KCNJ6: variants seen among roughly 807,000 people sequenced by gnomAD.
The protein encoded by KCNJ6 is G protein-activated inward rectifier potassium channel 2.
KCNJ6 carries 9 observed loss-of-function variants against 34.2 expected under a neutral mutation model. The observed-to-expected ratio is 0.26, with a 90% CI of 0.16 to 0.46. The LOEUF (loss-of-function observed/expected upper bound fraction) is 0.46. KCNJ6 is among the 20% of genes least tolerant of loss of function. KCNJ6 has a pLI of 1.00. For missense variants in KCNJ6, 236 were observed against 531.3 expected (o/e 0.44, Z 5.46); for synonymous variants, 196 against 207.1 (o/e 0.95, Z 0.46).
In KCNJ6 at chr21:37,771,920, A is replaced by C. The variant is rs1368646580; in HGVS notation, c.26-56789T>G. Among the ~76,000 whole-genome samples, 4 of 152,208 alleles carry C rather than the reference A, an allele frequency of 2.6e-5. No homozygotes were observed. In the South Asian group the frequency reaches 8.3e-4, roughly 32 times the overall value. Reference sequence around the variant, plus strand: ...CAATGCTACTGGGCATGAGAGGTCCAAAAAACGAACAGAATATGCAGTTTA... The same window carrying C: ...CAATGCTACTGGGCATGAGAGGTCCCAAAAACGAACAGAATATGCAGTTTA... On this transcript the variant is annotated intron_variant, in intron 2 of 3. Coordinates refer to ENST00000609713, the MANE Select transcript of KCNJ6 (RefSeq NM_002240.5).
intron 2 of KCNJ6, among the ~76,000 whole-genome samples, chr21:37,762,075 A>T (rs2055068224): frequency 6.6e-6 from 1 of 152,178 alleles, no homozygotes; most frequent in Non-Finnish European, 1.5e-5. Context: ...TTTGCTGCTC[A>T]TAAATTCCCC....
At chr21:37,781,344 A>G (rs2055168677) in intron 2 of KCNJ6, among the ~76,000 whole-genome samples, 1 of 152,240 alleles carries the variant, frequency 6.6e-6, no homozygotes, top group African/African-American at 2.4e-5. Context: ...GTAAGGGCGC[A>G]GTGACAGAGA....
Position 37,840,704 on chromosome 21 carries a change from CT to C in KCNJ6, c.-23del. The C allele has an allele frequency of 2.5e-6, 4 of 1,578,494 alleles. No individual in the cohort carries two copies. Among genetic ancestry groups the C allele is most frequent in the Non-Finnish European group, 2.6e-6 (3 of 1,150,842 alleles). On this transcript the variant is annotated 5_prime_UTR_variant, in exon 2 of 4. Coordinates refer to ENST00000609713, the MANE Select transcript of KCNJ6 (RefSeq NM_002240.5). ...CCATTGTTGCAGTTTCTTCTTTGTG[CT>C]TTTCCTGGAGGTGAGAAGAAAAGAC...
At chr21:37,654,105 G>GTTTT (rs537326162) in intron 3 of KCNJ6, among the ~76,000 whole-genome samples, 6 of 122,732 alleles carry the variant, frequency 4.9e-5, no homozygotes, top group Admixed American at 8.6e-5. Flanking sequence ...CACTTTGTGG[G>GTTTT]TTTTTTTTTT....
At chr21:37,660,388 CCTT>C (rs894543023) in intron 3 of KCNJ6, among the ~76,000 whole-genome samples, 1 of 152,312 alleles carries the variant, frequency 6.6e-6, no homozygotes, top group South Asian at 2.1e-4. Flanking sequence ...TCGGGGCTCT[CCTT>C]CTCTCCCATG....
rs532585245 is a variant in KCNJ6, at chr21:37,609,868, A to G, written c.*15291T>C. 1 of 152,266 alleles carries G rather than the reference A, an allele frequency of 6.6e-6. No individual in the cohort carries two copies. The highest frequency in any genetic ancestry group is 2.1e-4 in the South Asian group (1 of 4,826). 9.4% of individuals were successfully genotyped at this position (152,266 alleles called of 1,614,324 possible). A position where few individuals can be genotyped will look rare whatever the true frequency, so the allele number is the denominator to read the frequency against. ...ATGAGCTGGCGAGATGCAGCCTCACATTTATTTTCTATCAATGATGCTGAC... is the reference window on the plus strand; with the variant it reads ...ATGAGCTGGCGAGATGCAGCCTCACGTTTATTTTCTATCAATGATGCTGAC... On this transcript the variant is annotated 3_prime_UTR_variant, in exon 4 of 4. Transcript: ENST00000609713.
chr21:37,872,723 G>A (rs2055658624), intron 1 of KCNJ6, among the ~76,000 whole-genome samples: 1 of 152,114 alleles, frequency 6.6e-6, no homozygotes, highest in Non-Finnish European at 1.5e-5. Context: ...GGCCTGATAT[G>A]GTTTGACTGT....
At chr21:37,683,733 G>T (rs376519975) in intron 3 of KCNJ6, among the ~76,000 whole-genome samples, 50 of 152,324 alleles carry the variant, frequency 3.3e-4, no homozygotes, top group African/African-American at 1.2e-3. Flanking sequence ...CCGGTGTGGG[G>T]AGCCTGAAGT....
intron 1 of KCNJ6, among the ~76,000 whole-genome samples, chr21:37,901,848 G>A (rs756297830): frequency 1.3e-5 from 2 of 152,188 alleles, no homozygotes; most frequent in Non-Finnish European, 2.9e-5. Context: ...TAACACATAT[G>A]CTTGGCATTA....
At position 37,611,960 on chromosome 21, in the gene KCNJ6, T is replaced by C. The variant is rs2054244211; in HGVS notation, c.*13199A>G. ...TCCCCATCACTACTGCTTTTCAACA[T>C]GATACTGGAAGTCCTGGCTGATGCA... On this transcript the variant is annotated 3_prime_UTR_variant, in exon 4 of 4. Transcript: ENST00000609713. 3.9e-5 allele frequency: 6 copies of C among 152,184 alleles called. No homozygotes were observed. The East Asian group carries it at 1.2e-3, about 29-fold the overall frequency. The allele number at this position is 152,184 out of a possible 1,614,324, so 9.4% of individuals were successfully genotyped here.
intron 3 of KCNJ6, among the ~76,000 whole-genome samples, chr21:37,661,614 GT>G (rs59026391): frequency 0.012 from 855 of 70,994 alleles, 11 homozygotes; most frequent in Admixed American, 0.018. Flanking sequence ...AAGAGACATA[GT>G]TTTTTTTTTT....
chr21:37,671,876 G>A (rs930846937), intron 3 of KCNJ6, among the ~76,000 whole-genome samples: 1 of 120,310 alleles, frequency 8.3e-6, no homozygotes, highest in East Asian at 2.3e-4. Context: ...CTTATGTATA[G>A]AAATTCAACA....
intron 2 of KCNJ6, among the ~76,000 whole-genome samples, chr21:37,821,805 CTTTAT>C (rs2055374533): frequency 6.6e-6 from 1 of 152,134 alleles, no homozygotes; most frequent in Non-Finnish European, 1.5e-5. Context: ...AATCTATATC[CTTTAT>C]TTTATCCAGA....
chr21:37,871,635 T>C (rs1220789746), intron 1 of KCNJ6, among the ~76,000 whole-genome samples: 2 of 152,190 alleles, frequency 1.3e-5, no homozygotes, highest in African/African-American at 4.8e-5. Flanking sequence ...TCTCTTCAAA[T>C]CTGGAAGAAG....
At chr21:37,907,418 T>A (rs956192585) in intron 1 of KCNJ6, among the ~76,000 whole-genome samples, 3 of 152,196 alleles carry the variant, frequency 2.0e-5, no homozygotes, top group Non-Finnish European at 4.4e-5. Flanking sequence ...CCAGTCTGAT[T>A]TGTTGACTGA....
At chr21:37,810,302 A>T (rs1317315023) in intron 2 of KCNJ6, among the ~76,000 whole-genome samples, 1 of 152,212 alleles carries the variant, frequency 6.6e-6, no homozygotes, top group Admixed American at 6.5e-5. Context: ...AAATAAATTA[A>T]TTTTTCATTG....
intron 3 of KCNJ6, among the ~76,000 whole-genome samples, chr21:37,702,148 G>C (rs1369108452): frequency 6.9e-6 from 1 of 144,404 alleles, no homozygotes; most frequent in Non-Finnish European, 1.5e-5. Context: ...CAGGAGAATC[G>C]CTTGAACCCA....
At chr21:37,904,960 C>T (rs1309978565) in intron 1 of KCNJ6, among the ~76,000 whole-genome samples, 1 of 152,250 alleles carries the variant, frequency 6.6e-6, no homozygotes, top group African/African-American at 2.4e-5. Context: ...CCCTATCTGG[C>T]TGCTGCAGCA....
chr21:37,820,255 T>C (rs967292654), intron 2 of KCNJ6, among the ~76,000 whole-genome samples: 3 of 152,242 alleles, frequency 2.0e-5, no homozygotes, highest in East Asian at 1.9e-4. Flanking sequence ...GACCCATTTA[T>C]GTGGAGTCTC....
Sources: allele counts gnomAD v4.1 joint callset (sites outside exome capture counted in the v4.1 genomes callset), GRCh38; gene constraint gnomAD v4.1.1; transcripts MANE v1.5; gene names NCBI Gene and HGNC (gene_info 2026-07-23, HGNC 2026-07-21).